The following RASA1 variants were observed in gnomAD, a reference collection of about 807,000 sequenced individuals.
The protein encoded by RASA1 is ras GTPase-activating protein 1.
A neutral mutation model predicts 132.2 loss-of-function variants in RASA1; 25 were observed. The ratio of observed to expected loss-of-function variants is 0.19; its 90% CI spans 0.14 to 0.26. The LOEUF is 0.26. Ranked by LOEUF, RASA1 falls within the 10% of genes least tolerant of loss-of-function variation. The pLI is 1.00. For missense variants in RASA1, 964 were observed against 1,299.2 expected (o/e 0.74, Z 3.97); for synonymous variants, 477 against 449.9 (o/e 1.06, Z -0.76).
At chr5:87,388,296 A>G (rs917246199) in intron 23 of RASA1, among the ~76,000 whole-genome samples, 1 of 152,176 alleles carries the variant, frequency 6.6e-6, no homozygotes, top group Non-Finnish European at 1.5e-5. Flanking sequence ...TTAGCAATGT[A>G]AAGCAAATAC....
intron 9 of RASA1, among the ~76,000 whole-genome samples, chr5:87,361,441 AGATTTATAAGAGGATT>A (rs1760083296): frequency 6.6e-6 from 1 of 152,222 alleles, no homozygotes; most frequent in South Asian, 2.1e-4. Context: ...AGCATAACTT[AGATTTATAAGAGGATT>A]GAATGGATCC....
intron 1 of RASA1, among the ~76,000 whole-genome samples, chr5:87,309,519 CAT>C (rs1755771366): frequency 6.6e-6 from 1 of 152,052 alleles, no homozygotes. Flanking sequence ...TAAGTAACCA[CAT>C]AGTTTTCTAT....
At chr5:87,350,827 A>C (rs1364072609) in intron 8 of RASA1, among the ~76,000 whole-genome samples, 1 of 151,476 alleles carries the variant, frequency 6.6e-6, no homozygotes, top group Non-Finnish European at 1.5e-5. Flanking sequence ...AATTCATCTT[A>C]TTGTTTCTAG....
chr5:87,372,103 T>C lies in RASA1; in HGVS notation c.1699-15T>C. On this transcript the variant is annotated splice_polypyrimidine_tract_variant and intron_variant, in intron 12 of 24. Transcript: ENST00000274376. ...ACTAGTGTATATTTCTTTGAAGTGC[T>C]GTTTTTCTTTGCAGGATTGGATGAA... 1 of 1,611,870 alleles carries C rather than the reference T, an allele frequency of 6.2e-7. No individual in the cohort carries two copies. Among genetic ancestry groups the C allele is most frequent in the Non-Finnish European group, 8.5e-7 (1 of 1,179,006 alleles).
At chr5:87,374,438 A>G in intron 14 of RASA1, 118 bp downstream of exon 14, 1 of 507,426 alleles carries the variant, frequency 2.0e-6, no homozygotes. Flanking sequence ...AGGTGTTCTA[A>G]TAGCATATAT....
rs150850392 is a variant in RASA1 at position 87,313,889 on chromosome 5, C to T, written c.540-17459C>T. ...GAGGTCTGAAAATGCATGTTTGGGC[C>T]GGGCGTGGTGGCTCATGCCTGCAAT... On this transcript the variant is annotated intron_variant, in intron 1 of 24. Coordinates refer to ENST00000274376, the MANE Select transcript of RASA1 (RefSeq NM_002890.3). Among the ~76,000 whole-genome samples the T allele has an allele frequency of 2.7e-3, 408 of 152,184 alleles. 5 individuals carry two copies. The highest frequency in any genetic ancestry group is 8.3e-3 in the East Asian group (43 of 5,166).
chr5:87,358,731 T>C (rs1759844446), intron 9 of RASA1, among the ~76,000 whole-genome samples: 2 of 152,228 alleles, frequency 1.3e-5, no homozygotes, highest in African/African-American at 4.8e-5. Flanking sequence ...TGGCAGTCCA[T>C]TAATTTTCTG....
At chr5:87,344,425 C>G (rs1272056995) in intron 6 of RASA1, among the ~76,000 whole-genome samples, 1 of 152,122 alleles carries the variant, frequency 6.6e-6, no homozygotes, top group East Asian at 1.9e-4. Flanking sequence ...GATCTGTTAT[C>G]TGGTTATTTT....
At chr5:87,370,347 G>A (rs1760835605) in intron 12 of RASA1, among the ~76,000 whole-genome samples, 1 of 152,194 alleles carries the variant, frequency 6.6e-6, no homozygotes, top group African/African-American at 2.4e-5. Flanking sequence ...TCTAAGCCAA[G>A]TCGAGATATA....
chr5:87,324,889 T>C (rs1041395897), intron 1 of RASA1, among the ~76,000 whole-genome samples: 1 of 152,214 alleles, frequency 6.6e-6, no homozygotes, highest in Non-Finnish European at 1.5e-5. Flanking sequence ...TAAAGTCACT[T>C]AGTATGAGAT....
chr5:87,333,732 C>A (rs1757759633), intron 4 of RASA1, among the ~76,000 whole-genome samples: 1 of 152,036 alleles, frequency 6.6e-6, no homozygotes, highest in Non-Finnish European at 1.5e-5. Flanking sequence ...TAGAACTATG[C>A]AACATGTTAG....
intron 4 of RASA1, among the ~76,000 whole-genome samples, chr5:87,335,781 G>A (rs1456166484): frequency 6.6e-6 from 1 of 152,116 alleles, no homozygotes; most frequent in Non-Finnish European, 1.5e-5. Context: ...GATATAGATA[G>A]CTCAGTGAAC....
In RASA1 at chr5:87,374,930, G is replaced by A; in HGVS notation, c.2011+14G>A. The A allele has an allele frequency of 6.3e-7, 1 of 1,598,134 alleles. No homozygotes were observed. The highest frequency in any genetic ancestry group is 1.1e-5 in the South Asian group (1 of 88,878). The stretch of plus-strand genomic sequence containing the variant: ...ATCCTGATATCTGTAAGTTGATACA[G>A]AAACTTTCTAAAATAGAAAAAGCAT... On this transcript the variant is annotated intron_variant, in intron 15 of 24. Transcript: ENST00000274376.
At chr5:87,287,895 A>G (rs1298984156) in intron 1 of RASA1, among the ~76,000 whole-genome samples, 1 of 138,638 alleles carries the variant, frequency 7.2e-6, no homozygotes, top group Admixed American at 7.3e-5. Flanking sequence ...TATATATACC[A>G]TATATACACA....
chr5:87,378,954 A>G (rs1035635695), intron 18 of RASA1, among the ~76,000 whole-genome samples: 12 of 152,324 alleles, frequency 7.9e-5, no homozygotes, highest in African/African-American at 2.9e-4. Context: ...CCTCAACTAA[A>G]ACAAAAAAAT....
chr5:87,275,019 C>G (rs921438478), intron 1 of RASA1, among the ~76,000 whole-genome samples: 2 of 152,074 alleles, frequency 1.3e-5, no homozygotes, highest in African/African-American at 4.8e-5. Context: ...ATTAGCCACT[C>G]TGGGGAAAAC....
chr5:87,284,555 C>G (rs1177859274), intron 1 of RASA1, among the ~76,000 whole-genome samples: 3 of 152,176 alleles, frequency 2.0e-5, no homozygotes, highest in Non-Finnish European at 4.4e-5. Context: ...GAACTGTTCT[C>G]TACTTAGACT....
intron 9 of RASA1, among the ~76,000 whole-genome samples, chr5:87,355,255 C>T (rs935797749): frequency 4.6e-5 from 7 of 152,240 alleles, no homozygotes; most frequent in Non-Finnish European, 7.4e-5. Flanking sequence ...TGCTTGGCTT[C>T]GAAGCTTCAA....
chr5:87,379,368 G>GT lies in RASA1; in HGVS notation c.2488-365dup, dbSNP rs540694776. ...ACTCTGCTGACACTAGATCAGAAGG[G>GT]TTACAGGAAAAGTTCTGAGAAAGGT... is the stretch of plus-strand genomic sequence containing the variant. On this transcript the variant is annotated intron_variant, in intron 18 of 24. Transcript: ENST00000274376. Among the ~76,000 whole-genome samples the GT allele has an allele frequency of 1.1e-3, 164 of 152,252 alleles. 1 individual carries two copies. The South Asian group carries it at 0.018, about 17-fold the overall frequency.
Sources: allele counts gnomAD v4.1 joint callset (sites outside exome capture counted in the v4.1 genomes callset), GRCh38; gene constraint gnomAD v4.1.1; transcripts MANE v1.5; gene names NCBI Gene and HGNC (gene_info 2026-07-23, HGNC 2026-07-21).